NDRG2: variants seen among roughly 807,000 people sequenced by gnomAD.
NDRG2 encodes the protein NDRG family member 2.
In NDRG2, 34 loss-of-function variants were observed where a neutral mutation model predicts 58.2. That is an observed-to-expected ratio of 0.58 (90% CI 0.44 to 0.78). The LOEUF (loss-of-function observed/expected upper bound fraction) is 0.78, where lower values mean the gene tolerates loss of function less well. Ranked by LOEUF, NDRG2 falls within the 30% of genes least tolerant of loss-of-function variation. The pLI is 0.00. For missense variants in NDRG2, 434 were observed against 471.2 expected (o/e 0.92, Z 0.73); for synonymous variants, 187 against 175.9 (o/e 1.06, Z -0.50).
At chr14:21,051,897 T>C (rs1170549922) in intron 1 of NDRG2, among the ~76,000 whole-genome samples, 1 of 152,190 alleles carries the variant, frequency 6.6e-6, no homozygotes, top group Non-Finnish European at 1.5e-5. Context: ...CCAGGCAAAC[T>C]TCTCTGGCAC....
At chr14:21,060,004 G>C (rs1351888190) in intron 1 of NDRG2, among the ~76,000 whole-genome samples, 1 of 151,944 alleles carries the variant, frequency 6.6e-6, no homozygotes, top group Non-Finnish European at 1.5e-5. Flanking sequence ...TAGTCACAAC[G>C]TGCACCTGTG....
At chr14:21,048,865 A>G (rs186959752) in intron 1 of NDRG2, among the ~76,000 whole-genome samples, 3 of 152,324 alleles carry the variant, frequency 2.0e-5, no homozygotes, top group Non-Finnish European at 4.4e-5. Flanking sequence ...GCTCCTAGCC[A>G]AGAGTAGATA....
At chr14:21,018,136 A>G in intron 14 of NDRG2, 68 bp downstream of exon 14, 2 of 1,599,356 alleles carry the variant, frequency 1.3e-6, no homozygotes, top group Admixed American at 3.3e-5. Context: ...TGTGTGGCAA[A>G]GGGCAGAGCC....
At chr14:21,034,218 T>C (rs760659942) in intron 1 of NDRG2, 11 of 1,614,038 alleles carry the variant, frequency 6.8e-6, no homozygotes, top group Non-Finnish European at 9.3e-6. Flanking sequence ...AATCTGCATC[T>C]TGATGTCCAT....
At chr14:21,022,789 C>G in intron 3 of NDRG2, 75 bp downstream of exon 3, 1 of 1,471,304 alleles carries the variant, frequency 6.8e-7, no homozygotes, top group Non-Finnish European at 9.4e-7. Flanking sequence ...AAGAGAGGGC[C>G]AAGCAGAGGC....
intron 1 of NDRG2, among the ~76,000 whole-genome samples, chr14:21,035,169 C>T (rs372501714): frequency 4.7e-4 from 72 of 152,346 alleles, no homozygotes; most frequent in African/African-American, 1.6e-3. Flanking sequence ...CATGTGGACT[C>T]CCCACGGTCC....
At chr14:21,038,872 A>T (rs1884769636) in intron 1 of NDRG2, among the ~76,000 whole-genome samples, 1 of 152,068 alleles carries the variant, frequency 6.6e-6, no homozygotes, top group Non-Finnish European at 1.5e-5. Flanking sequence ...CCTCCTCCTG[A>T]CCCACAGCTG....
rs1205382937 is a variant in NDRG2 at position 21,017,846 on chromosome 14, T to C, written c.950-84A>G. The C allele has an allele frequency of 3.1e-6, 5 of 1,603,288 alleles. No individual in the cohort carries two copies. The South Asian group carries it at 3.3e-5, about 11-fold the overall frequency. On this transcript the variant is annotated intron_variant, in intron 15 of 15. Coordinates refer to ENST00000556147, the MANE Select transcript of NDRG2 (RefSeq NM_001320329.2). ...GACTCAGGGTGTGGTCCTTGGATTATGGACTAGTTATAACTAAGCCAGGGG... is the reference window on the plus strand; with the variant it reads ...GACTCAGGGTGTGGTCCTTGGATTACGGACTAGTTATAACTAAGCCAGGGG...
At chr14:21,028,181 G>A (rs1457428374), upstream of NDRG2, among the ~76,000 whole-genome samples, 1 of 152,110 alleles carries the variant, frequency 6.6e-6, no homozygotes, top group African/African-American at 2.4e-5. Context: ...ATAGCAATTA[G>A]GCCATATGAC....
intron 1 of NDRG2, chr14:21,034,330 G>C (rs1197258228): frequency 7.0e-7 from 1 of 1,434,952 alleles, no homozygotes; most frequent in Non-Finnish European, 9.6e-7. Context: ...GGCAGCAGTG[G>C]GCCTGAAGTG....
At position 21,016,794 on chromosome 14, in the gene NDRG2, G is replaced by T; in HGVS notation, c.*802C>A. The T allele has an allele frequency of 2.2e-6, 1 of 450,110 alleles. No homozygotes were observed. The highest frequency in any genetic ancestry group is 2.4e-5 in the Admixed American group (1 of 42,248). 27.9% of individuals were successfully genotyped at this position (450,110 alleles called of 1,614,324 possible). On this transcript the variant is annotated 3_prime_UTR_variant, in exon 16 of 16. Transcript: ENST00000556147. ...TACTCAGATTCCTCTACAGTTTATT[G>T]TTATAGCAGAAGTTGTGGGAGACGG...
At chr14:21,021,142 T>C (rs1296570508) in intron 6 of NDRG2, 2 of 552,146 alleles carry the variant, frequency 3.6e-6, no homozygotes, top group South Asian at 3.1e-5. Flanking sequence ...GATAGCTCTT[T>C]GTCCATTCTC....
Position 21,070,812 on chromosome 14 carries a change from G to A in NDRG2, c.24+16C>T, listed in dbSNP as rs1488294534. ...ACCCTGGAAGAGGCCCGGCCCCTCG[G>A]GTCATGAGAACTGACCTGCATGGAA... On this transcript the variant is annotated intron_variant, in intron 1 of 14. Coordinates refer to the NDRG2 transcript ENST00000403829. This position sits in a 1 kb window ranked among gnomAD's most constrained non-coding sequence, Gnocchi z 4.7. The A allele has an allele frequency of 6.5e-7, 1 of 1,535,584 alleles. No homozygotes were observed. Among genetic ancestry groups the A allele is most frequent in the East Asian group, 2.4e-5 (1 of 40,870 alleles).
intron 1 of NDRG2, among the ~76,000 whole-genome samples, chr14:21,031,687 C>T (rs955295672): frequency 6.6e-6 from 1 of 152,152 alleles, no homozygotes; most frequent in Admixed American, 6.5e-5. Context: ...CATTCCCACA[C>T]CACACTCCTC....
At chr14:21,033,380 A>C (rs992865575) in intron 1 of NDRG2, 3 of 269,982 alleles carry the variant, frequency 1.1e-5, no homozygotes, top group East Asian at 1.0e-4. Flanking sequence ...AGTGGAGGGA[A>C]TTATAAGGGA....
At position 21,017,672 on chromosome 14, in the gene NDRG2, C is replaced by G. The variant is rs750366803; in HGVS notation, c.1040G>C (p.Arg347Pro). ...ASVDGNRSRS[R>P]TLSQSSESGT... ...AGACTCGCTGCTCTGGGACAGGGTGCGAGAGCGGGACCGGTTGCCATCAAC... is the reference window on the plus strand; with the variant it reads ...AGACTCGCTGCTCTGGGACAGGGTGGGAGAGCGGGACCGGTTGCCATCAAC... Residue 347 changes from arginine (R) to proline (P), a missense_variant, in exon 16 of 16, where the codon CGC becomes CCC. Arg to Pro is a moderately radical substitution (Grantham distance 103). Coordinates refer to ENST00000556147, the MANE Select transcript of NDRG2 (RefSeq NM_001320329.2). 1 of 1,611,838 alleles carries G rather than the reference C, an allele frequency of 6.2e-7. No homozygotes were observed.
chr14:21,025,699 C>G (rs1883496774), upstream of NDRG2: 2 of 984,600 alleles, frequency 2.0e-6, no homozygotes, highest in African/African-American at 3.5e-5. The surrounding 1 kb of genome is among the most constrained non-coding windows in gnomAD (Gnocchi z 5.1). Context: ...TGCTGCGTCC[C>G]GACGCCTGCT....
intron 10 of NDRG2, 111 bp from the exon 11 acceptor site, chr14:21,019,271 CTTGGTTA>C: frequency 8.9e-7 from 1 of 1,125,794 alleles, no homozygotes; most frequent in Non-Finnish European, 1.3e-6. Context: ...ACGGTCAAAT[CTTGGTTA>C]TTAAAGGTGG....
At chr14:21,023,012 C>A (rs1881539004) in intron 2 of NDRG2, 107 bp from the exon 3 acceptor site, 2 of 1,310,914 alleles carry the variant, frequency 1.5e-6, no homozygotes, top group Non-Finnish European at 2.2e-6. Flanking sequence ...CAACAAATGA[C>A]CAAAGACAGA....
Sources: allele counts gnomAD v4.1 joint callset (sites outside exome capture counted in the v4.1 genomes callset), GRCh38; gene constraint gnomAD v4.1.1; non-coding constraint Gnocchi (gnomAD v3.1); transcripts MANE v1.5; gene names NCBI Gene and HGNC (gene_info 2026-07-23, HGNC 2026-07-21).